Variants in PTK2 observed in about 807,000 individuals in gnomAD.
The protein encoded by PTK2 is protein tyrosine kinase 2, also known as focal adhesion kinase 1.
Under a neutral mutation model 150.1 loss-of-function variants are expected in PTK2, and 45 were observed. The ratio of observed to expected loss-of-function variants is 0.30; its 90% CI spans 0.24 to 0.38. PTK2 has a LOEUF of 0.38. PTK2 is among the 10% of genes least tolerant of loss of function. The pLI is 1.00. For synonymous variants in PTK2, 432 were observed against 449.2 expected (o/e 0.96, Z 0.48); for missense variants, 919 against 1,307.3 (o/e 0.70, Z 4.58).
chr8:140,687,153 G>T (rs1270577357), intron 26 of PTK2: 1 of 161,004 alleles, frequency 6.2e-6, no homozygotes, highest in African/African-American at 2.4e-5. Context: ...ACCAAACAGA[G>T]AAATCTAGAT....
rs138770012 is a variant in PTK2 at position 140,859,688 on chromosome 8, A to T, written c.450+4624T>A. 1.1e-3 allele frequency among the ~76,000 whole-genome samples: 172 copies of T among 152,314 alleles called. 4 individuals carry two copies. The East Asian group carries it at 0.025, about 22-fold the overall frequency. On this transcript the variant is annotated intron_variant, in intron 5 of 31. Transcript: ENST00000522684. Reference sequence around the variant, plus strand: ...TACGTAACGTTTCAGCTGCATTCTCAGATAAATATACGCTGGCTATAGAAA... The same window carrying T: ...TACGTAACGTTTCAGCTGCATTCTCTGATAAATATACGCTGGCTATAGAAA...
intron 2 of PTK2, chr8:140,921,039 T>G (rs2100167205): frequency 2.3e-6 from 3 of 1,302,308 alleles, no homozygotes; most frequent in Non-Finnish European, 2.9e-6. Flanking sequence ...TTTTCAGAGC[T>G]TGAAGCAAAA....
At chr8:140,661,163 T>G (rs541142813) in intron 31 of PTK2, among the ~76,000 whole-genome samples, 3 of 152,328 alleles carry the variant, frequency 2.0e-5, no homozygotes, top group African/African-American at 7.2e-5. Flanking sequence ...TAGTTGATCT[T>G]TATTTGGCAG....
At chr8:140,991,969 CG>C (rs2100195863) in intron 1 of PTK2, among the ~76,000 whole-genome samples, 1 of 151,384 alleles carries the variant, frequency 6.6e-6, no homozygotes, top group African/African-American at 2.4e-5. Flanking sequence ...CAGCAAGACC[CG>C]GTCTCAAAGA....
chr8:140,810,861 T>G (rs989174100), intron 10 of PTK2, among the ~76,000 whole-genome samples: 1 of 152,154 alleles, frequency 6.6e-6, no homozygotes, highest in African/African-American at 2.4e-5. Context: ...ATGCTTACAG[T>G]GCACAGGGTG....
At chr8:140,994,038 T>A (rs1235239666) in intron 1 of PTK2, among the ~76,000 whole-genome samples, 1 of 152,222 alleles carries the variant, frequency 6.6e-6, no homozygotes, top group Non-Finnish European at 1.5e-5. Flanking sequence ...CCCAAAGGTA[T>A]GATTTTTGTC....
intron 2 of PTK2, among the ~76,000 whole-genome samples, chr8:140,897,328 T>C (rs939432996): frequency 2.6e-5 from 4 of 152,114 alleles, no homozygotes; most frequent in African/African-American, 7.2e-5. Context: ...TTTTCCATTA[T>C]AGAATGTGAT....
At chr8:140,953,153 A>G (rs1451420089) in intron 1 of PTK2, among the ~76,000 whole-genome samples, 3 of 152,226 alleles carry the variant, frequency 2.0e-5, no homozygotes, top group Admixed American at 2.0e-4. Context: ...AGAATAAGAT[A>G]CAGCTATTCC....
At chr8:140,688,023 T>C (rs1203470443) in intron 26 of PTK2, among the ~76,000 whole-genome samples, 6 of 152,184 alleles carry the variant, frequency 3.9e-5, no homozygotes, top group Non-Finnish European at 7.4e-5. Flanking sequence ...TGGCTGATTG[T>C]TGTTAACAGT....
At chr8:140,727,507 T>C (rs1432945311) in intron 22 of PTK2, among the ~76,000 whole-genome samples, 1 of 140,348 alleles carries the variant, frequency 7.1e-6, no homozygotes, top group African/African-American at 2.7e-5. Flanking sequence ...AAAAAAAAAA[T>C]ACTGGTATAA....
chr8:140,726,943 AGGT>A (rs1236610394), intron 22 of PTK2, among the ~76,000 whole-genome samples: 1 of 152,232 alleles, frequency 6.6e-6, no homozygotes, highest in Non-Finnish European at 1.5e-5. Flanking sequence ...TAATGGACCA[AGGT>A]GGTGGTGGTA....
chr8:140,668,388 T>G (rs1053659884), exon 30 of PTK2: 1 of 1,613,670 alleles, frequency 6.2e-7, no homozygotes, highest in Non-Finnish European at 8.5e-7. Context: ...CGGTCCAGGT[T>G]GGCAGTAGGA....
At chr8:140,701,965 A>G (rs992495118) in intron 25 of PTK2, among the ~76,000 whole-genome samples, 3 of 151,264 alleles carry the variant, frequency 2.0e-5, no homozygotes, top group East Asian at 2.0e-4. Flanking sequence ...TGTCTCTACT[A>G]AAAAATACAA....
At chr8:140,820,000 C>T (rs930129487) in intron 8 of PTK2, among the ~76,000 whole-genome samples, 2 of 136,896 alleles carry the variant, frequency 1.5e-5, no homozygotes, top group African/African-American at 5.4e-5. Context: ...CCATAGTTAA[C>T]AAGTTGGCTT....
At chr8:140,875,540 T>G (rs1209914135) in intron 4 of PTK2, among the ~76,000 whole-genome samples, 2 of 152,198 alleles carry the variant, frequency 1.3e-5, no homozygotes, top group Non-Finnish European at 2.9e-5. Flanking sequence ...GAGTTTGCTC[T>G]GAGTGTGATG....
intron 26 of PTK2, among the ~76,000 whole-genome samples, chr8:140,695,433 CAG>C (rs1441142703): frequency 3.4e-5 from 5 of 147,838 alleles, no homozygotes; most frequent in Non-Finnish European, 5.9e-5. Flanking sequence ...TTTTTTGAGA[CAG>C]AGTCTCACTC....
intron 3 of PTK2, among the ~76,000 whole-genome samples, chr8:140,886,497 T>A (rs2100152363): frequency 6.6e-6 from 1 of 152,162 alleles, no homozygotes. Context: ...TGGTGGTAGA[T>A]TCAAGAGACT....
At position 140,722,692 on chromosome 8, in the gene PTK2, T is replaced by C. The variant is rs76816222; in HGVS notation, c.2031-4983A>G. ...GAGAGAGAAGCACATCCCTGGTTAG[T>C]GGTTTTACAGTGCCCTGCTCTCTAT... On this transcript the variant is annotated intron_variant, in intron 22 of 31. Transcript: ENST00000522684. 4.1e-3 allele frequency among the ~76,000 whole-genome samples: 625 copies of C among 152,282 alleles called. 3 individuals are homozygous for C. Among genetic ancestry groups the C allele is most frequent in the Non-Finnish European group, 7.1e-3 (483 of 68,020 alleles).
intron 10 of PTK2, among the ~76,000 whole-genome samples, chr8:140,804,305 G>C (rs2100097039): frequency 6.6e-6 from 1 of 151,314 alleles, no homozygotes; most frequent in South Asian, 2.1e-4. Context: ...AAAAAAGATA[G>C]AGTTGGGAGC....
Sources: allele counts gnomAD v4.1 joint callset (sites outside exome capture counted in the v4.1 genomes callset), GRCh38; gene constraint gnomAD v4.1.1; transcripts MANE v1.5; gene names NCBI Gene and HGNC (gene_info 2026-07-23, HGNC 2026-07-21).